The following TAS2R1 variants were observed in gnomAD, a reference collection of about 807,000 sequenced individuals.
The protein encoded by TAS2R1 is taste receptor type 2 member 1.
For synonymous variants in TAS2R1, 141 were observed against 134.2 expected, an observed-to-expected ratio of 1.05 and a Z score of -0.35; for missense variants, 370 against 353.4, an observed-to-expected ratio of 1.05 and a Z score of -0.38.
the TAS2R1 span, among the ~76,000 whole-genome samples, chr5:9,846,459 A>T: frequency 6.6e-6 from 1 of 152,176 alleles, no homozygotes. Context: ...ATTTCTATGC[A>T]TTTGTCTTAG....
At chr5:9,771,500 G>A in the TAS2R1 span, among the ~76,000 whole-genome samples, 1 of 152,020 alleles carries the variant, frequency 6.6e-6, no homozygotes. Flanking sequence ...TTTTTATCTG[G>A]TTTTGGTATC....
chr5:9,846,919 G>A, the TAS2R1 span, among the ~76,000 whole-genome samples: 1 of 152,288 alleles, frequency 6.6e-6, no homozygotes, highest in East Asian at 1.9e-4. Flanking sequence ...TCTTTCAGGT[G>A]TAACCATGGG....
chr5:9,807,640 T>C, the TAS2R1 span, among the ~76,000 whole-genome samples: 1 of 152,168 alleles, frequency 6.6e-6, no homozygotes, highest in Non-Finnish European at 1.5e-5. Flanking sequence ...TTGGAGACTA[T>C]CATTATAAGT....
intron 1 of TAS2R1, among the ~76,000 whole-genome samples, chr5:9,706,193 C>T (rs1041579817): frequency 3.3e-5 from 5 of 152,182 alleles, no homozygotes; most frequent in Admixed American, 1.3e-4. Flanking sequence ...TACAAACTAG[C>T]ACCATTTCTT....
the TAS2R1 span, among the ~76,000 whole-genome samples, chr5:9,784,672 C>G: frequency 6.6e-6 from 1 of 152,188 alleles, no homozygotes; most frequent in Admixed American, 6.5e-5. Flanking sequence ...ATCAGGGTGT[C>G]CGCAGGGCCC....
the TAS2R1 span, among the ~76,000 whole-genome samples, chr5:9,876,627 C>T: frequency 6.6e-6 from 1 of 152,076 alleles, no homozygotes; most frequent in African/African-American, 2.4e-5. Context: ...TTAAATAAAA[C>T]CTTGCCAAAT....
chr5:9,791,331 G>C, the TAS2R1 span, among the ~76,000 whole-genome samples: 3 of 152,190 alleles, frequency 2.0e-5, no homozygotes, highest in Admixed American at 6.5e-5. Context: ...AGCAGGACGA[G>C]TGCAATGACA....
the TAS2R1 span, among the ~76,000 whole-genome samples, chr5:9,771,142 G>A: frequency 2.0e-5 from 3 of 152,132 alleles, no homozygotes; most frequent in Admixed American, 6.5e-5. Context: ...TTCAGCATCA[G>A]TTGAAATGAT....
At chr5:9,726,547 G>A in the TAS2R1 span, among the ~76,000 whole-genome samples, 1 of 152,302 alleles carries the variant, frequency 6.6e-6, no homozygotes, top group East Asian at 1.9e-4. Flanking sequence ...TTTATGAGCT[G>A]TAACACTCAC....
the TAS2R1 span, among the ~76,000 whole-genome samples, chr5:9,820,784 A>G: frequency 6.6e-6 from 1 of 152,214 alleles, no homozygotes; most frequent in African/African-American, 2.4e-5. Flanking sequence ...AACAAAAACA[A>G]GAAGACATTT....
At chr5:9,839,066 G>A in the TAS2R1 span, among the ~76,000 whole-genome samples, 33 of 152,158 alleles carry the variant, frequency 2.2e-4, no homozygotes, top group African/African-American at 7.5e-4. Context: ...CATCAGCATC[G>A]AGCAGGTCTC....
At chr5:9,786,200 G>C in the TAS2R1 span, among the ~76,000 whole-genome samples, 1 of 152,224 alleles carries the variant, frequency 6.6e-6, no homozygotes, top group African/African-American at 2.4e-5. Flanking sequence ...TCCAGGCCCT[G>C]AGTTGAGGGA....
intron 1 of TAS2R1, among the ~76,000 whole-genome samples, chr5:9,675,418 TC>T (rs1740854556): frequency 6.7e-6 from 1 of 149,788 alleles, no homozygotes; most frequent in African/African-American, 2.5e-5. Flanking sequence ...TTTTTCTTTT[TC>T]TTTTTTTTTT....
the TAS2R1 span, among the ~76,000 whole-genome samples, chr5:9,844,404 C>A: frequency 9.6e-4 from 146 of 152,202 alleles, 3 homozygotes; most frequent in East Asian, 0.027. Flanking sequence ...TTATATTTGC[C>A]CTATTCTTTC....
At chr5:9,705,970 A>G (rs549586164) in intron 1 of TAS2R1, among the ~76,000 whole-genome samples, 1 of 152,332 alleles carries the variant, frequency 6.6e-6, no homozygotes, top group East Asian at 1.9e-4. Context: ...AGGTTCCTCT[A>G]CAAAGACCAA....
chr5:9,715,686 C>T (rs1256534068), upstream of TAS2R1, among the ~76,000 whole-genome samples: 1 of 152,100 alleles, frequency 6.6e-6, no homozygotes, highest in African/African-American at 2.4e-5. Context: ...GGAAGGAGAC[C>T]CCAAGCCAGG....
intron 1 of TAS2R1, among the ~76,000 whole-genome samples, chr5:9,699,022 G>A (rs1741420822): frequency 6.6e-6 from 1 of 152,140 alleles, no homozygotes; most frequent in South Asian, 2.1e-4. Flanking sequence ...TGAGAACTAA[G>A]CTCAAAACAG....
chr5:9,726,661 G>A, the TAS2R1 span, among the ~76,000 whole-genome samples: 9 of 152,150 alleles, frequency 5.9e-5, no homozygotes, highest in African/African-American at 1.2e-4. Flanking sequence ...AACTCCAGAC[G>A]CGCCACCTTA....
At chr5:9,737,618 C>T in the TAS2R1 span, among the ~76,000 whole-genome samples, 2 of 152,088 alleles carry the variant, frequency 1.3e-5, no homozygotes, top group Non-Finnish European at 2.9e-5. Context: ...ACAAGGAGAG[C>T]GAGGAGCTGC....
Sources: allele counts gnomAD v4.1 joint callset (sites outside exome capture counted in the v4.1 genomes callset), GRCh38; gene constraint gnomAD v4.1.1; transcripts MANE v1.5; gene names NCBI Gene and HGNC (gene_info 2026-07-23, HGNC 2026-07-21).